RANBP17: variants seen among roughly 807,000 people sequenced by gnomAD.
RANBP17 encodes the protein RAN binding protein 17.
In RANBP17, 158 loss-of-function variants were observed where a neutral mutation model predicts 141.2. The observed-to-expected ratio is 1.12, with a 90% CI of 0.98 to 1.28. The LOEUF (loss-of-function observed/expected upper bound fraction) is 1.28, where lower values mean the gene tolerates loss of function less well. Ranked by LOEUF, RANBP17 falls within the 50% of genes most tolerant of loss-of-function variation. The pLI, the probability that RANBP17 is intolerant of heterozygous loss-of-function variation, is 0.00. For synonymous variants in RANBP17, 430 were observed against 450.0 expected, an observed-to-expected ratio of 0.96 and a Z score of 0.56; for missense variants, 1,438 against 1,290.7, an observed-to-expected ratio of 1.11 and a Z score of -1.75.
intron 16 of RANBP17, among the ~76,000 whole-genome samples, chr5:171,177,198 A>G (rs1467942792): frequency 6.6e-6 from 1 of 152,126 alleles, no homozygotes; most frequent in East Asian, 1.9e-4. Flanking sequence ...AAGTCATCCC[A>G]TAATTTATCT....
intron 24 of RANBP17, among the ~76,000 whole-genome samples, chr5:171,251,676 G>T (rs1765570575): frequency 1.3e-5 from 2 of 152,170 alleles, no homozygotes; most frequent in Admixed American, 1.3e-4. Context: ...GGCAGTGGCG[G>T]CCCAGCGGGC....
At chr5:170,889,646 C>T (rs1769436316) in intron 3 of RANBP17, among the ~76,000 whole-genome samples, 1 of 152,172 alleles carries the variant, frequency 6.6e-6, no homozygotes, top group East Asian at 1.9e-4. Context: ...TGACATGCTT[C>T]ATAAACATGA....
intron 22 of RANBP17, among the ~76,000 whole-genome samples, chr5:171,231,342 T>G (rs866539187): frequency 3.1e-4 from 47 of 152,284 alleles, no homozygotes; most frequent in African/African-American, 1.1e-3. Context: ...TATGATAATG[T>G]GATTTTACAA....
At chr5:171,185,477 G>GC (rs1761172974) in intron 18 of RANBP17, among the ~76,000 whole-genome samples, 1 of 152,206 alleles carries the variant, frequency 6.6e-6, no homozygotes, top group South Asian at 2.1e-4. Context: ...AAACTCTGCT[G>GC]CCACTTTATC....
At position 170,894,411 on chromosome 5, in the gene RANBP17, C is replaced by G. The variant is rs1362140341; in HGVS notation, c.424-1639C>G. On this transcript the variant is annotated intron_variant, in intron 4 of 27. Transcript: ENST00000523189. ...TGTACCTTTACCAGTTCTGGAAGAC[C>G]AAAAGAAACAACATGTTTTAGCTTG... Among the ~76,000 whole-genome samples the G allele has an allele frequency of 2.0e-5, 3 of 148,924 alleles. No homozygotes were observed. In the East Asian group the frequency reaches 5.9e-4, roughly 29 times the overall value.
At chr5:171,174,396 A>G (rs1760299869) in intron 16 of RANBP17, among the ~76,000 whole-genome samples, 2 of 152,132 alleles carry the variant, frequency 1.3e-5, no homozygotes, top group Non-Finnish European at 2.9e-5. Context: ...TAAATGGGAA[A>G]AGGAGAGATT....
Position 170,918,885 on chromosome 5 carries a change from A to G in RANBP17, c.1101+26A>G, listed in dbSNP as rs755444406. 5 of 1,485,602 alleles carry G rather than the reference A, an allele frequency of 3.4e-6. No homozygotes were observed. The East Asian group carries it at 1.2e-4, about 36-fold the overall frequency. The allele number at this position is 1,485,602 out of a possible 1,614,324, so 92.0% of individuals were successfully genotyped here. On this transcript the variant is annotated intron_variant, in intron 10 of 27. Transcript: ENST00000523189. ...GTAGGTAAAAATATGTAATTATGTT[A>G]AACTGTAGCCAGTTTTAAAACAGCT...
chr5:171,039,935 A>G (rs1163477028), intron 14 of RANBP17, among the ~76,000 whole-genome samples: 1 of 152,140 alleles, frequency 6.6e-6, no homozygotes, highest in African/African-American at 2.4e-5. Flanking sequence ...GCCAAATTCT[A>G]CCACATGTAC....
At chr5:171,073,969 A>AT (rs1216281361) in intron 14 of RANBP17, among the ~76,000 whole-genome samples, 18 of 152,160 alleles carry the variant, frequency 1.2e-4, no homozygotes, top group Non-Finnish European at 2.4e-4. Context: ...AAACAGACAA[A>AT]TCTTCCTTAA....
intron 12 of RANBP17, among the ~76,000 whole-genome samples, chr5:170,936,317 G>T (rs1324075501): frequency 6.6e-6 from 1 of 152,114 alleles, no homozygotes; most frequent in Admixed American, 6.5e-5. Flanking sequence ...GATGAATCCG[G>T]TACCTCAGTT....
intron 3 of RANBP17, among the ~76,000 whole-genome samples, chr5:170,890,500 G>T (rs995723789): frequency 1.3e-5 from 2 of 152,008 alleles, no homozygotes; most frequent in Non-Finnish European, 2.9e-5. Flanking sequence ...TAAATATCAA[G>T]AATCTTACTA....
At chr5:171,089,174 A>T (rs1458037102) in intron 14 of RANBP17, among the ~76,000 whole-genome samples, 1 of 147,488 alleles carries the variant, frequency 6.8e-6, no homozygotes, top group Non-Finnish European at 1.5e-5. Context: ...TTTTCCTTCT[A>T]ACAGACAGGA....
intron 24 of RANBP17, among the ~76,000 whole-genome samples, chr5:171,243,726 G>A (rs1765029612): frequency 6.6e-6 from 1 of 152,196 alleles, no homozygotes; most frequent in African/African-American, 2.4e-5. Flanking sequence ...TGGGTGTGAA[G>A]TAGAATCTTC....
chr5:171,164,417 C>T (rs901026877), intron 14 of RANBP17, among the ~76,000 whole-genome samples: 1 of 152,022 alleles, frequency 6.6e-6, no homozygotes, highest in Non-Finnish European at 1.5e-5. Flanking sequence ...AGTTTATGTC[C>T]GCATCTGTTT....
At chr5:170,904,660 C>G (rs986813043) in intron 5 of RANBP17, among the ~76,000 whole-genome samples, 2 of 152,132 alleles carry the variant, frequency 1.3e-5, no homozygotes, top group Non-Finnish European at 2.9e-5. Context: ...AGTACCTGAA[C>G]TTCAGACATT....
chr5:170,942,848 T>C (rs1001414915), intron 12 of RANBP17, among the ~76,000 whole-genome samples: 1 of 152,226 alleles, frequency 6.6e-6, no homozygotes, highest in Non-Finnish European at 1.5e-5. Context: ...AATGAAGATA[T>C]GAATGTTTTA....
chr5:171,187,986 A>G (rs1761384495), intron 18 of RANBP17, among the ~76,000 whole-genome samples: 1 of 152,192 alleles, frequency 6.6e-6, no homozygotes, highest in Non-Finnish European at 1.5e-5. Context: ...TTTGCCCATA[A>G]AAGGCATTGA....
At chr5:170,882,805 T>G (rs1002049993) in intron 3 of RANBP17, among the ~76,000 whole-genome samples, 1 of 152,182 alleles carries the variant, frequency 6.6e-6, no homozygotes, top group African/African-American at 2.4e-5. Context: ...TAGCAGTATG[T>G]TTTTTGGAGT....
intron 14 of RANBP17, among the ~76,000 whole-genome samples, chr5:171,002,278 G>A (rs1012635634): frequency 3.3e-5 from 5 of 152,118 alleles, no homozygotes; most frequent in Non-Finnish European, 7.4e-5. Flanking sequence ...GGAGGTTTCG[G>A]TGGGAGAGTA....
Sources: allele counts gnomAD v4.1 joint callset (sites outside exome capture counted in the v4.1 genomes callset), GRCh38; gene constraint gnomAD v4.1.1; transcripts MANE v1.5; gene names NCBI Gene and HGNC (gene_info 2026-07-23, HGNC 2026-07-21).